CADPS2: variants seen among roughly 807,000 people sequenced by gnomAD.
The protein encoded by CADPS2 is calcium-dependent secretion activator 2.
In CADPS2, 93 loss-of-function variants were observed where a neutral mutation model predicts 172.5. The observed-to-expected ratio is 0.54, with a 90% CI of 0.46 to 0.64. The LOEUF is 0.64. CADPS2 is among the 30% of genes least tolerant of loss of function. CADPS2 has a pLI of 0.00. For synonymous variants in CADPS2, 546 were observed against 555.2 expected, an observed-to-expected ratio of 0.98 and a Z score of 0.23; for missense variants, 1,420 against 1,565.9, an observed-to-expected ratio of 0.91 and a Z score of 1.57.
At chr7:122,400,479 A>G (rs1218341289) in intron 20 of CADPS2, among the ~76,000 whole-genome samples, 1 of 152,066 alleles carries the variant, frequency 6.6e-6, no homozygotes, top group Non-Finnish European at 1.5e-5. Context: ...AACTAAACAA[A>G]AAAAGAAAAA....
At chr7:122,676,838 AT>A (rs957128382) in intron 2 of CADPS2, 2,998 of 530,482 alleles carry the variant, frequency 5.7e-3, no homozygotes, top group South Asian at 9.6e-3. Context: ...TGGTGACAGT[AT>A]TTTTTTTTTC....
chr7:122,663,196 C>T (rs957106566), intron 3 of CADPS2, 41 bp downstream of exon 3: 2 of 1,374,684 alleles, frequency 1.5e-6, no homozygotes, highest in South Asian at 1.3e-5. Context: ...GTTCATTCCA[C>T]GAGTCAGACA....
chr7:122,535,503 T>C (rs2062172157), intron 8 of CADPS2, among the ~76,000 whole-genome samples: 1 of 152,124 alleles, frequency 6.6e-6, no homozygotes, highest in South Asian at 2.1e-4. Flanking sequence ...AAAAAGGTAA[T>C]AGTATACCAG....
chr7:122,821,554 G>C (rs1328710371), intron 1 of CADPS2, among the ~76,000 whole-genome samples: 1 of 152,126 alleles, frequency 6.6e-6, no homozygotes, highest in Non-Finnish European at 1.5e-5. Context: ...GATAGGTAGA[G>C]GCCTTTCCTA....
chr7:122,832,687 T>C (rs568788755), intron 1 of CADPS2, among the ~76,000 whole-genome samples: 3 of 152,220 alleles, frequency 2.0e-5, no homozygotes, highest in Non-Finnish European at 4.4e-5. Flanking sequence ...TGAGCAGATG[T>C]TAAAATGCTG....
At chr7:122,837,227 C>T (rs1048072593) in intron 1 of CADPS2, among the ~76,000 whole-genome samples, 1 of 152,158 alleles carries the variant, frequency 6.6e-6, no homozygotes, top group Admixed American at 6.5e-5. Flanking sequence ...TCTTTGAAAC[C>T]AATGAAAACA....
In CADPS2 at chr7:122,322,597, C is replaced by CAA. The variant is rs1804168506; in HGVS notation, c.3718-2260_3718-2259insTT. 3.9e-5 allele frequency among the ~76,000 whole-genome samples: 6 copies of CAA among 152,326 alleles called. No individual in the cohort carries two copies. In the South Asian group the frequency reaches 1.2e-3, roughly 32 times the overall value. On this transcript the variant is annotated intron_variant, in intron 29 of 29. Transcript: ENST00000449022. ...GATTTATGTTAACTGCATTTAATGT[C>CAA]ATGTGGCCACTATGGAGAACACAAA...
chr7:122,521,826 T>C (rs116069626), intron 8 of CADPS2, among the ~76,000 whole-genome samples: 2,064 of 152,192 alleles, frequency 0.014, 43 homozygotes, highest in African/African-American at 0.048. Context: ...TTTTATAGAA[T>C]TGTCCCTCTT....
intron 3 of CADPS2, among the ~76,000 whole-genome samples, chr7:122,656,112 T>TA (rs1435870708): frequency 6.6e-6 from 1 of 152,192 alleles, no homozygotes; most frequent in African/African-American, 2.4e-5. Context: ...ACTTGTCTAG[T>TA]AATTTTGAAA....
intron 3 of CADPS2, among the ~76,000 whole-genome samples, chr7:122,641,560 G>T (rs1184034120): frequency 5.9e-5 from 9 of 152,250 alleles, no homozygotes; most frequent in Admixed American, 2.0e-4. Flanking sequence ...AAAGAACCAT[G>T]AATCTTCTGT....
chr7:122,740,167 T>C (rs181716258), intron 1 of CADPS2, among the ~76,000 whole-genome samples: 1 of 152,268 alleles, frequency 6.6e-6, no homozygotes, highest in East Asian at 1.9e-4. Flanking sequence ...GTAAAACAGG[T>C]TGATGGTTTC....
chr7:122,680,666 A>T (rs1215897787), intron 2 of CADPS2, among the ~76,000 whole-genome samples: 1 of 152,220 alleles, frequency 6.6e-6, no homozygotes, highest in South Asian at 2.1e-4. Flanking sequence ...GTGGGTCGGG[A>T]TAATGCCACT....
chr7:122,598,215 A>G (rs557587172), intron 6 of CADPS2, among the ~76,000 whole-genome samples: 1 of 152,062 alleles, frequency 6.6e-6, no homozygotes. Flanking sequence ...TTAAATAGAA[A>G]TATTCTACCT....
chr7:122,632,428 T>C (rs2076664261), intron 3 of CADPS2, among the ~76,000 whole-genome samples: 1 of 152,216 alleles, frequency 6.6e-6, no homozygotes, highest in Admixed American at 6.5e-5. Context: ...ATCTATCTCA[T>C]TGTGGCTTTG....
chr7:122,595,590 C>T (rs1276156191), intron 6 of CADPS2, among the ~76,000 whole-genome samples: 3 of 152,064 alleles, frequency 2.0e-5, no homozygotes, highest in Non-Finnish European at 2.9e-5. Flanking sequence ...AGAGCAGTAA[C>T]GTGGAGGACT....
intron 1 of CADPS2, among the ~76,000 whole-genome samples, chr7:122,787,999 C>T (rs922607999): frequency 6.6e-6 from 1 of 152,062 alleles, no homozygotes; most frequent in African/African-American, 2.4e-5. Flanking sequence ...GACTAGCTGA[C>T]AATAAACATC....
Position 122,698,468 on chromosome 7 carries a change from C to G in CADPS2, c.454-34899G>C, listed in dbSNP as rs372734431. Reference sequence around the variant, plus strand: ...TTTAAGTTACCAATCATAACCACAACGACATCTTCAAATGCCTGATGAAAC... The same window carrying G: ...TTTAAGTTACCAATCATAACCACAAGGACATCTTCAAATGCCTGATGAAAC... On this transcript the variant is annotated intron_variant, in intron 2 of 29. Transcript: ENST00000449022. 64 of 1,613,688 alleles carry G rather than the reference C, an allele frequency of 4.0e-5. No homozygotes were observed. The Middle Eastern group carries it at 6.6e-4, about 17-fold the overall frequency.
At chr7:122,592,058 G>T (rs1042263435) in intron 6 of CADPS2, among the ~76,000 whole-genome samples, 1 of 152,030 alleles carries the variant, frequency 6.6e-6, no homozygotes, top group Admixed American at 6.6e-5. Context: ...GCAACCTACA[G>T]AATGGGAGAA....
At chr7:122,844,925 A>C (rs1485077488) in intron 1 of CADPS2, among the ~76,000 whole-genome samples, 2 of 152,044 alleles carry the variant, frequency 1.3e-5, no homozygotes, top group Non-Finnish European at 2.9e-5. Flanking sequence ...AAATCATTTT[A>C]TTCTAAGGCT....
Sources: allele counts gnomAD v4.1 joint callset (sites outside exome capture counted in the v4.1 genomes callset), GRCh38; gene constraint gnomAD v4.1.1; transcripts MANE v1.5; gene names NCBI Gene and HGNC (gene_info 2026-07-23, HGNC 2026-07-21).